The following STXBP4 variants were observed in gnomAD, a reference collection of about 807,000 sequenced individuals.
STXBP4 encodes syntaxin binding protein 4.
Under a neutral mutation model 76.1 loss-of-function variants are expected in STXBP4, and 55 were observed. The observed-to-expected ratio is 0.72, with a 90% CI of 0.58 to 0.91. The LOEUF (loss-of-function observed/expected upper bound fraction) is 0.91. Ranked by LOEUF, STXBP4 falls within the 40% of genes least tolerant of loss-of-function variation. The pLI, the probability that STXBP4 is intolerant of heterozygous loss-of-function variation, is 0.00. For synonymous variants in STXBP4, 201 were observed against 220.2 expected (o/e 0.91, Z 0.77); for missense variants, 618 against 636.9 (o/e 0.97, Z 0.32).
intron 16 of STXBP4, among the ~76,000 whole-genome samples, chr17:55,134,800 A>G (rs1039220286): frequency 1.3e-5 from 2 of 152,110 alleles, no homozygotes; most frequent in Admixed American, 6.6e-5. Flanking sequence ...TCCGTTGTAT[A>G]TTACTGCTTT....
At chr17:55,196,278 A>T in the STXBP4 span, among the ~76,000 whole-genome samples, 1 of 152,098 alleles carries the variant, frequency 6.6e-6, no homozygotes, top group African/African-American at 2.4e-5. Flanking sequence ...ACTCCTAAGG[A>T]TAGCAGACAA....
chr17:55,212,678 G>C, the STXBP4 span, among the ~76,000 whole-genome samples: 39 of 152,048 alleles, frequency 2.6e-4, no homozygotes, highest in African/African-American at 8.7e-4. Flanking sequence ...TGTTAAAATG[G>C]CTGAAAACCT....
At chr17:55,069,052 A>G (rs2079088577) in intron 12 of STXBP4, among the ~76,000 whole-genome samples, 1 of 151,720 alleles carries the variant, frequency 6.6e-6, no homozygotes, top group Admixed American at 6.6e-5. Context: ...TTCAAAGAAG[A>G]CTTTGGTCTG....
Position 54,969,632 on chromosome 17 carries a change from G to A in STXBP4, c.-157+817G>A, listed in dbSNP as rs149634692. ...ATAGTAAGAATGTAGTTAAAAGTTA[G>A]GCTGTATTTCTACTTGCTACGTGGC... On this transcript the variant is annotated intron_variant, in intron 1 of 17. Transcript: ENST00000376352. Among the ~76,000 whole-genome samples the A allele has an allele frequency of 5.8e-3, 882 of 152,312 alleles. 4 individuals are homozygous for A. The highest frequency in any genetic ancestry group is 9.3e-3 in the Non-Finnish European group (632 of 68,026).
chr17:55,103,065 T>C (rs1016855596), intron 16 of STXBP4, among the ~76,000 whole-genome samples: 3 of 152,228 alleles, frequency 2.0e-5, no homozygotes, highest in African/African-American at 7.2e-5. Context: ...AAAAATGTTC[T>C]CCCATTCTGC....
At chr17:54,992,442 A>G (rs1459518270) in intron 4 of STXBP4, among the ~76,000 whole-genome samples, 1 of 151,864 alleles carries the variant, frequency 6.6e-6, no homozygotes, top group Admixed American at 6.6e-5. Flanking sequence ...ATTATTTAAT[A>G]AGTTTAATGG....
At chr17:54,983,384 TC>T (rs2077577699) in intron 1 of STXBP4, among the ~76,000 whole-genome samples, 1 of 152,222 alleles carries the variant, frequency 6.6e-6, no homozygotes, top group African/African-American at 2.4e-5. Flanking sequence ...TTGAATATGT[TC>T]CCAGGGGACC....
intron 1 of STXBP4, among the ~76,000 whole-genome samples, chr17:54,981,861 T>C (rs1819264035): frequency 1.3e-5 from 2 of 152,094 alleles, no homozygotes; most frequent in Admixed American, 1.3e-4. Flanking sequence ...AATAGAAGAA[T>C]TGGCAAAAGA....
At chr17:55,002,988 T>A (rs2077944654) in intron 7 of STXBP4, among the ~76,000 whole-genome samples, 1 of 152,228 alleles carries the variant, frequency 6.6e-6, no homozygotes, top group Non-Finnish European at 1.5e-5. Flanking sequence ...TTCAATTTTA[T>A]GTCCTCCCCT....
At chr17:55,189,095 A>G in the STXBP4 span, among the ~76,000 whole-genome samples, 1 of 152,098 alleles carries the variant, frequency 6.6e-6, no homozygotes, top group East Asian at 1.9e-4. Context: ...GCTAGAATCC[A>G]TGATTTCTCC....
Position 54,990,850 on chromosome 17 carries a change from A to G in STXBP4, c.73A>G (p.Ile25Val), listed in dbSNP as rs372904801. Residue 25 changes from isoleucine (I) to valine (V), a missense_variant, in exon 4 of 18, where the codon ATT becomes GTT. Ile to Val is a conservative substitution (Grantham distance 29). Coordinates refer to ENST00000376352, the MANE Select transcript of STXBP4 (RefSeq NM_178509.6). ...EKDPAFQMITIAKETGLGLKV... is the reference protein window; with the variant it reads ...EKDPAFQMITVAKETGLGLKV... Reference sequence around the variant, plus strand: ...GGATCCTGCCTTTCAGATGATTACAATTGCCAAGGAAACAGGCCTTGGCCT... The same window carrying G: ...GGATCCTGCCTTTCAGATGATTACAGTTGCCAAGGAAACAGGCCTTGGCCT... 1.6e-5 allele frequency: 25 copies of G among 1,605,428 alleles called. No homozygotes were observed. The highest frequency in any genetic ancestry group is 1.7e-4 in the Middle Eastern group (1 of 6,058).
intron 13 of STXBP4, among the ~76,000 whole-genome samples, chr17:55,077,686 CGTGT>C (rs10690646): frequency 0.016 from 2,087 of 134,014 alleles, 25 homozygotes; most frequent in South Asian, 0.05. Flanking sequence ...TGTCTTACAT[CGTGT>C]GTGTGTGTGT....
chr17:55,018,272 C>G (rs929981502), intron 8 of STXBP4, among the ~76,000 whole-genome samples: 1 of 152,172 alleles, frequency 6.6e-6, no homozygotes, highest in African/African-American at 2.4e-5. Flanking sequence ...CGATCAGGAA[C>G]GGCAATGGGC....
At chr17:55,201,477 A>G in the STXBP4 span, among the ~76,000 whole-genome samples, 1 of 152,090 alleles carries the variant, frequency 6.6e-6, no homozygotes, top group Non-Finnish European at 1.5e-5. Context: ...GAGAAGAGCT[A>G]CGTTCCAAGA....
In STXBP4 at chr17:55,165,701, C is replaced by T. The variant is rs1333020572; in HGVS notation, c.*5790C>T. On this transcript the variant is annotated 3_prime_UTR_variant, in exon 18 of 18. Transcript: ENST00000376352. ...ATTTCATATATTGAAACCTAACCCC[C>T]AAGGTACCAGTATTAAGAGGTACGG... 1 of 152,306 alleles carries T rather than the reference C, an allele frequency of 6.6e-6. No homozygotes were observed. The highest frequency in any genetic ancestry group is 1.5e-5 in the Non-Finnish European group (1 of 68,146). 9.4% of individuals were successfully genotyped at this position (152,306 alleles called of 1,614,324 possible). A position where few individuals can be genotyped will look rare whatever the true frequency, so the allele number is the denominator to read the frequency against.
chr17:54,986,210 T>C lies in STXBP4; in HGVS notation c.-10T>C. The C allele has an allele frequency of 6.3e-7, 1 of 1,599,150 alleles. No individual in the cohort carries two copies. Among genetic ancestry groups the C allele is most frequent in the Middle Eastern group, 1.7e-4 (1 of 6,016 alleles). On this transcript the variant is annotated 5_prime_UTR_variant, in exon 3 of 18. Transcript: ENST00000376352. ...ACAGCTGTTAAATCCAAGGCTACTT[T>C]GGTGAAAGCATGAATAAAAATACAT... is the stretch of plus-strand genomic sequence containing the variant.
intron 17 of STXBP4, among the ~76,000 whole-genome samples, chr17:55,142,645 C>T (rs973782855): frequency 7.2e-5 from 11 of 151,972 alleles, no homozygotes; most frequent in African/African-American, 2.7e-4. Flanking sequence ...GGAAAAAAAA[C>T]CTGAACAATC....
Position 55,000,844 on chromosome 17 carries a change from A to G in STXBP4, c.535A>G (p.Ile179Val). The change falls in exon 7 of 18, where the codon ATT (isoleucine) becomes GTT (valine). Residue 179 changes from isoleucine to valine, a missense_variant. By Grantham distance (29) the Ile-to-Val change is conservative. Coordinates refer to ENST00000376352, the MANE Select transcript of STXBP4 (RefSeq NM_178509.6). ...ATACAACAAAACAGTACAGATTCCA[A>G]TTACTTCAGAAAACAGTACTGTGGG... ...TGYNKTVQIP[I>V]TSENSTVGLS... The G allele has an allele frequency of 3.1e-6, 5 of 1,610,742 alleles. No homozygotes were observed. The highest frequency in any genetic ancestry group is 1.7e-5 in the Admixed American group (1 of 59,898).
intron 16 of STXBP4, among the ~76,000 whole-genome samples, chr17:55,085,236 AG>A (rs1202417054): frequency 1.3e-5 from 2 of 152,100 alleles, no homozygotes; most frequent in Non-Finnish European, 2.9e-5. Flanking sequence ...GAGGGATGGC[AG>A]TGGGAGATAT....
Sources: gnomAD v4.1 joint callset for allele counts (sites outside exome capture counted in the v4.1 genomes callset) on GRCh38, gnomAD v4.1.1 for gene constraint, MANE v1.5 for transcripts, NCBI Gene and HGNC (gene_info 2026-07-23, HGNC 2026-07-21) for gene names.